The following RYR3 variants were observed in gnomAD, a reference collection of about 807,000 sequenced individuals.
RYR3 encodes the protein ryanodine receptor 3.
RYR3 carries 207 observed loss-of-function variants against 584.3 expected under a neutral mutation model. The observed-to-expected ratio is 0.35, with a 90% confidence interval of 0.32 to 0.40. The LOEUF (loss-of-function observed/expected upper bound fraction) is 0.40. Ranked by LOEUF, RYR3 falls within the 10% of genes least tolerant of loss-of-function variation. The pLI is 1.00. For missense variants in RYR3, 5,616 were observed against 6,089.2 expected, an observed-to-expected ratio of 0.92 and a Z score of 2.59; for synonymous variants, 2,416 against 2,248.5, an observed-to-expected ratio of 1.07 and a Z score of -2.11.
chr15:33,804,935 G>T (rs1013569533), intron 69 of RYR3, among the ~76,000 whole-genome samples: 2 of 152,212 alleles, frequency 1.3e-5, no homozygotes, highest in African/African-American at 4.8e-5. Context: ...GTTGCGAATG[G>T]AAAGGAAGTG....
At chr15:33,805,700 A>T (rs1293007618) in intron 69 of RYR3, among the ~76,000 whole-genome samples, 1 of 151,142 alleles carries the variant, frequency 6.6e-6, no homozygotes, top group Non-Finnish European at 1.5e-5. Context: ...GATGGTCTCG[A>T]TCTCCTGACG....
At chr15:33,500,073 C>G (rs1243431638) in intron 2 of RYR3, among the ~76,000 whole-genome samples, 1 of 152,192 alleles carries the variant, frequency 6.6e-6, no homozygotes, top group East Asian at 1.9e-4. Flanking sequence ...TTCAAGAAGA[C>G]TTGAGTTGGG....
chr15:33,459,665 A>G (rs1046924904), intron 1 of RYR3, among the ~76,000 whole-genome samples: 10 of 152,096 alleles, frequency 6.6e-5, no homozygotes, highest in Non-Finnish European at 1.3e-4. Flanking sequence ...GCGGCTGAAA[A>G]TGGTGATGAA....
intron 27 of RYR3, among the ~76,000 whole-genome samples, chr15:33,639,386 T>G (rs186807248): frequency 2.0e-5 from 3 of 152,226 alleles, no homozygotes; most frequent in Non-Finnish European, 2.9e-5. Flanking sequence ...AGGGTAGTTA[T>G]AAGGAAGTCG....
At chr15:33,819,707 TAAATAAATAAATAA>T in intron 76 of RYR3, 35 bp from the exon 77 acceptor site, 3 of 699,246 alleles carry the variant, frequency 4.3e-6, no homozygotes, top group Non-Finnish European at 6.3e-6. Flanking sequence ...AATAAATAAA[TAAATAAATAAATAA>T]AAAGCCTGCT....
At chr15:33,847,895 G>A (rs1282595135) in intron 93 of RYR3, among the ~76,000 whole-genome samples, 1 of 152,094 alleles carries the variant, frequency 6.6e-6, no homozygotes, top group Non-Finnish European at 1.5e-5. Context: ...ATATTCCTGT[G>A]GCTGGCCGAT....
chr15:33,815,520 C>G (rs933387540), intron 74 of RYR3: 2 of 207,702 alleles, frequency 9.6e-6, no homozygotes, highest in African/African-American at 4.6e-5. Flanking sequence ...CATATCTGGG[C>G]TGCACCTTCA....
At chr15:33,740,063 G>A (rs1280262007) in intron 51 of RYR3, 68 bp downstream of exon 51, 15 of 1,415,974 alleles carry the variant, frequency 1.1e-5, no homozygotes, top group Non-Finnish European at 1.3e-5. Context: ...CTTCCAGAGG[G>A]TAGCAAGAAA....
intron 77 of RYR3, 29 bp from the exon 78 acceptor site, chr15:33,820,727 T>C: frequency 6.3e-7 from 1 of 1,585,084 alleles, no homozygotes; most frequent in Non-Finnish European, 8.6e-7. Context: ...ATTGTCTGTC[T>C]TCTCCCTTCC....
intron 42 of RYR3, among the ~76,000 whole-genome samples, chr15:33,705,178 A>G (rs1362581722): frequency 6.7e-6 from 1 of 149,590 alleles, no homozygotes; most frequent in African/African-American, 2.5e-5. Context: ...TGCACCTGCA[A>G]TCTTGAAAAC....
chr15:33,418,438 C>G (rs1404091448), intron 1 of RYR3, among the ~76,000 whole-genome samples: 4 of 151,380 alleles, frequency 2.6e-5, no homozygotes, highest in African/African-American at 9.7e-5. Flanking sequence ...GAGAAAATGG[C>G]AAGAACATTT....
chr15:33,648,475 C>T (rs1211038317), intron 30 of RYR3, among the ~76,000 whole-genome samples: 1 of 152,166 alleles, frequency 6.6e-6, no homozygotes, highest in Non-Finnish European at 1.5e-5. Flanking sequence ...TTGTATGAGC[C>T]CTGCCAAAAA....
intron 59 of RYR3, 80 bp from the exon 60 acceptor site, chr15:33,757,395 T>C: frequency 1.3e-6 from 2 of 1,486,566 alleles, no homozygotes; most frequent in Non-Finnish European, 1.8e-6. Flanking sequence ...TTTTGCTCAC[T>C]GAAAATAAAC....
chr15:33,581,050 G>T (rs1385684399), intron 13 of RYR3, among the ~76,000 whole-genome samples: 1 of 150,830 alleles, frequency 6.6e-6, no homozygotes, highest in Non-Finnish European at 1.5e-5. Context: ...GGGGGCCGGG[G>T]GGGTGGGGAG....
intron 93 of RYR3, chr15:33,847,484 G>A (rs150435790): frequency 7.2e-5 from 11 of 152,278 alleles, no homozygotes; most frequent in Admixed American, 2.0e-4. Flanking sequence ...GAGGAGCTGC[G>A]TCAATTGTGA....
At chr15:33,322,224 G>T (rs1595709014) in intron 1 of RYR3, among the ~76,000 whole-genome samples, 1 of 152,308 alleles carries the variant, frequency 6.6e-6, no homozygotes, top group South Asian at 2.1e-4. Context: ...GGTTTAATTG[G>T]CACATGGCTC....
intron 14 of RYR3, among the ~76,000 whole-genome samples, chr15:33,583,065 C>T (rs1369253646): frequency 1.3e-5 from 2 of 152,226 alleles, no homozygotes; most frequent in African/African-American, 2.4e-5. Context: ...CTGCCAGTGG[C>T]TTTCAAGTAG....
chr15:33,823,375 G>A (rs577441594), intron 81 of RYR3, among the ~76,000 whole-genome samples: 52 of 152,248 alleles, frequency 3.4e-4, no homozygotes, highest in African/African-American at 1.1e-3. Flanking sequence ...CTCAGTGTGC[G>A]CATTGAGTTT....
intron 1 of RYR3, among the ~76,000 whole-genome samples, chr15:33,360,511 A>G (rs1175115402): frequency 1.3e-5 from 2 of 152,232 alleles, no homozygotes; most frequent in Non-Finnish European, 2.9e-5. Context: ...ACAGTTTACC[A>G]GTTCACCTGC....
Sources: allele counts gnomAD v4.1 joint callset (sites outside exome capture counted in the v4.1 genomes callset), GRCh38; gene constraint gnomAD v4.1.1; transcripts MANE v1.5; gene names NCBI Gene and HGNC (gene_info 2026-07-23, HGNC 2026-07-21).